Variants in MICALL1 observed in about 807,000 individuals in gnomAD.
MICALL1 encodes the protein MICAL like 1, also known as MICAL-like protein 1.
MICALL1 carries 61 observed loss-of-function variants against 83.7 expected under a neutral mutation model. That is an observed-to-expected ratio of 0.73 (90% CI 0.59 to 0.90). The LOEUF (loss-of-function observed/expected upper bound fraction) is 0.90. Ranked by LOEUF, MICALL1 falls within the 40% of genes least tolerant of loss-of-function variation. The pLI is 0.00. For missense variants in MICALL1, 1,066 were observed against 1,152.0 expected (o/e 0.93, Z 1.08); for synonymous variants, 481 against 473.6 (o/e 1.02, Z -0.20).
In MICALL1 at chr22:37,925,778, G is replaced by A; in HGVS notation, c.1200G>A (p.Arg400=). The A allele has an allele frequency of 6.2e-7, 1 of 1,613,398 alleles. No individual in the cohort carries two copies. The highest frequency in any genetic ancestry group is 8.5e-7 in the Non-Finnish European group (1 of 1,179,978). The change falls in exon 8 of 16, where the codon AGG becomes AGA. Residue 400 remains arginine (R), a synonymous_variant. Transcript: ENST00000215957. ...SSPGPPSQDS[R]QVENGGTEEV... ...CGGGGCCACCAAGCCAGGACAGCAG[G>A]CAGGTGGAGAATGGAGGCACCGAGG... is the stretch of plus-strand genomic sequence containing the variant.
intron 13 of MICALL1, 77 bp downstream of exon 13, chr22:37,933,189 C>A: frequency 6.8e-7 from 1 of 1,466,270 alleles, no homozygotes; most frequent in East Asian, 2.3e-5. Context: ...AGCGGGCAGA[C>A]AAAACCCCAG....
chr22:37,923,137 G>A (rs1196897143), intron 6 of MICALL1, among the ~76,000 whole-genome samples: 2 of 151,658 alleles, frequency 1.3e-5, no homozygotes, highest in African/African-American at 2.4e-5. Context: ...CACCATGTTG[G>A]CCAGGCTGGT....
At chr22:37,935,154 G>T (rs550107893) in intron 13 of MICALL1, among the ~76,000 whole-genome samples, 2 of 150,580 alleles carry the variant, frequency 1.3e-5, no homozygotes, top group Admixed American at 6.6e-5. Flanking sequence ...GGATGGTCTC[G>T]ATCTCCTGAC....
In MICALL1 at chr22:37,931,808, A is replaced by G; in HGVS notation, c.1891A>G (p.Lys631Glu). The G allele has an allele frequency of 6.2e-7, 1 of 1,613,974 alleles. No homozygotes were observed. Among genetic ancestry groups the G allele is most frequent in the Non-Finnish European group, 8.5e-7 (1 of 1,180,002 alleles). Residue 631 changes from lysine (K) to glutamate (E), a missense_variant, in exon 10 of 16, where the codon AAG becomes GAG. Coordinates refer to ENST00000215957, the MANE Select transcript of MICALL1 (RefSeq NM_033386.4). ...SPQLQVKSSCKENPFNRKPSP... is the reference protein window; with the variant it reads ...SPQLQVKSSCEENPFNRKPSP... ...GTCTCCTTCCCTTTAGTCCTCCTGC[A>G]AGGAGAATCCTTTTAACCGGAAGCC...
intron 13 of MICALL1, among the ~76,000 whole-genome samples, 196 bp downstream of exon 13, chr22:37,933,308 G>C (rs934780955): frequency 6.6e-6 from 1 of 152,162 alleles, no homozygotes; most frequent in Admixed American, 6.5e-5. Flanking sequence ...TAAGCTGGCT[G>C]GGGCTGTGGT....
intron 8 of MICALL1, 33 bp from the exon 9 acceptor site, chr22:37,927,378 C>G: frequency 6.5e-7 from 1 of 1,529,442 alleles, no homozygotes; most frequent in Non-Finnish European, 8.8e-7. Flanking sequence ...GTGGTGCTCC[C>G]CTTGTGAGGT....
In MICALL1 at chr22:37,932,477, A is replaced by T; in HGVS notation, c.2017-76A>T. The T allele has an allele frequency of 1.3e-6, 2 of 1,583,614 alleles. No homozygotes were observed. The highest frequency in any genetic ancestry group is 4.5e-5 in the East Asian group (2 of 44,482). Reference sequence around the variant, plus strand: ...CGGGCCCTGGAGCCACCAGTGGCCAATGCTGGCCAGAGAAGAGGGCAAGGC... The same window carrying T: ...CGGGCCCTGGAGCCACCAGTGGCCATTGCTGGCCAGAGAAGAGGGCAAGGC... On this transcript the variant is annotated intron_variant, in intron 10 of 15. Transcript: ENST00000215957. The surrounding 1 kb of genome is among the most constrained non-coding windows in gnomAD (Gnocchi z 4.4).
At chr22:37,928,662 C>T (rs1429847406) in intron 9 of MICALL1, among the ~76,000 whole-genome samples, 1 of 152,200 alleles carries the variant, frequency 6.6e-6, no homozygotes, top group Admixed American at 6.5e-5. Context: ...CACCTGTCCA[C>T]AAACATAGCC....
intron 2 of MICALL1, 64 bp from the exon 3 acceptor site, chr22:37,912,287 C>T (rs945100406): frequency 2.6e-5 from 41 of 1,548,910 alleles, no homozygotes; most frequent in Non-Finnish European, 2.2e-5. Flanking sequence ...GAGGGGTCGC[C>T]CCCTAACGCC....
At chr22:37,931,743 G>T in intron 9 of MICALL1, 56 bp from the exon 10 acceptor site, 1 of 1,599,286 alleles carries the variant, frequency 6.3e-7, no homozygotes, top group Non-Finnish European at 8.5e-7. Flanking sequence ...GAGGCTGCTG[G>T]GGTCTCACGT....
chr22:37,922,488 C>A, intron 6 of MICALL1, 62 bp downstream of exon 6: 1 of 1,311,446 alleles, frequency 7.6e-7, no homozygotes, highest in Non-Finnish European at 1.0e-6. Flanking sequence ...ATTGAAAAGT[C>A]TGTGTGTCTG....
chr22:37,927,036 G>C (rs1929488356), intron 8 of MICALL1: 6 of 277,330 alleles, frequency 2.2e-5, no homozygotes, highest in Non-Finnish European at 4.1e-5. Context: ...AGAGCTGGTG[G>C]CTGCGAGGGC....
intron 1 of MICALL1, among the ~76,000 whole-genome samples, chr22:37,910,956 C>A (rs978349174): frequency 1.3e-5 from 2 of 152,254 alleles, no homozygotes; most frequent in Non-Finnish European, 2.9e-5. Flanking sequence ...CCTCTGCCCA[C>A]CCATCTCCGG....
chr22:37,919,507 A>G (rs1163198296), intron 5 of MICALL1, among the ~76,000 whole-genome samples: 1 of 152,040 alleles, frequency 6.6e-6, no homozygotes, highest in African/African-American at 2.4e-5. Flanking sequence ...ATGGTGGTGC[A>G]CACCTCTAAT....
chr22:37,940,890 G>A lies in MICALL1; in HGVS notation c.*60G>A, dbSNP rs1267841056. 4.4e-6 allele frequency: 7 copies of A among 1,601,872 alleles called. No individual in the cohort carries two copies. The Admixed American group carries it at 1.0e-4, about 23-fold the overall frequency. On this transcript the variant is annotated 3_prime_UTR_variant, in exon 16 of 16. Coordinates refer to ENST00000215957, the MANE Select transcript of MICALL1 (RefSeq NM_033386.4). ...TGGAGCAGCTCCTGGGCTGTGCTCT[G>A]TTTGAAGGGGGCGCCCTGCTCCCCT...
At chr22:37,911,893 G>C in intron 1 of MICALL1, 59 bp from the exon 2 acceptor site, 1 of 1,546,020 alleles carries the variant, frequency 6.5e-7, no homozygotes, top group Non-Finnish European at 8.9e-7. Flanking sequence ...CTCTGACCCC[G>C]CCCCTATTTC....
intron 9 of MICALL1, among the ~76,000 whole-genome samples, chr22:37,929,815 G>A (rs753493688): frequency 1.3e-5 from 2 of 152,238 alleles, no homozygotes; most frequent in African/African-American, 4.8e-5. Context: ...TCTGGCCCCA[G>A]GTAGAGGGTG....
At chr22:37,919,283 G>T in intron 5 of MICALL1, 105 bp downstream of exon 5, 1 of 1,314,634 alleles carries the variant, frequency 7.6e-7, no homozygotes, top group Non-Finnish European at 9.9e-7. Context: ...TCACACCAGA[G>T]CCCCTGGCTT....
intron 5 of MICALL1, among the ~76,000 whole-genome samples, chr22:37,919,655 A>AG (rs1164453089): frequency 6.5e-4 from 97 of 148,564 alleles, no homozygotes; most frequent in African/African-American, 2.3e-3. Context: ...AAAAAAAAAA[A>AG]GGCCATTGAA....
Sources: allele counts gnomAD v4.1 joint callset (sites outside exome capture counted in the v4.1 genomes callset), GRCh38; gene constraint gnomAD v4.1.1; non-coding constraint Gnocchi (gnomAD v3.1); transcripts MANE v1.5; gene names NCBI Gene and HGNC (gene_info 2026-07-23, HGNC 2026-07-21).